The following RORA variants were observed in gnomAD, a reference collection of about 807,000 sequenced individuals.
RORA encodes the protein RAR related orphan receptor A.
In RORA, 7 loss-of-function variants were observed where a neutral mutation model predicts 69.5. The observed-to-expected ratio is 0.10, with a 90% CI of 0.06 to 0.19. The LOEUF is 0.19. Among genes scored for constraint, RORA ranks in the 10% least tolerant of loss-of-function variants. RORA has a pLI of 1.00. For synonymous variants in RORA, 261 were observed against 240.8 expected (o/e 1.08, Z -0.78); for missense variants, 457 against 663.0 (o/e 0.69, Z 3.41).
chr15:61,163,821 C>T (rs1181106907), intron 1 of RORA, among the ~76,000 whole-genome samples: 1 of 152,338 alleles, frequency 6.6e-6, no homozygotes, highest in African/African-American at 2.4e-5. Flanking sequence ...AAGGACCACA[C>T]TGAGCTCTTA....
chr15:60,893,929 G>C (rs1159149621), intron 1 of RORA, among the ~76,000 whole-genome samples: 1 of 152,172 alleles, frequency 6.6e-6, no homozygotes, highest in Non-Finnish European at 1.5e-5. Context: ...CCCAAACCCA[G>C]ACCTCTCAAG....
intron 1 of RORA, among the ~76,000 whole-genome samples, chr15:61,154,823 A>C (rs535671562): frequency 2.6e-4 from 39 of 152,154 alleles, no homozygotes; most frequent in Non-Finnish European, 4.4e-4. Flanking sequence ...AAAAATACAC[A>C]CTGACACCGT....
intron 1 of RORA, among the ~76,000 whole-genome samples, chr15:60,853,372 C>T (rs779326656): frequency 3.3e-5 from 5 of 152,126 alleles, no homozygotes; most frequent in African/African-American, 4.8e-5. Context: ...CAGCAGAAGA[C>T]GATAATAGAG....
At chr15:60,564,684 A>G (rs2067665537) in intron 2 of RORA, among the ~76,000 whole-genome samples, 1 of 152,216 alleles carries the variant, frequency 6.6e-6, no homozygotes, top group Non-Finnish European at 1.5e-5. Flanking sequence ...CATCCTTGAC[A>G]TGTTGAACTT....
At chr15:60,693,064 A>G (rs929902200) in intron 1 of RORA, among the ~76,000 whole-genome samples, 2 of 152,216 alleles carry the variant, frequency 1.3e-5, no homozygotes, top group African/African-American at 4.8e-5. Context: ...AAATACCAGC[A>G]AACTGAATCC....
At position 60,775,178 on chromosome 15, in the gene RORA, A is replaced by C. The variant is rs574306028; in HGVS notation, c.167-96492T>G. Among the ~76,000 whole-genome samples, 10 of 152,264 alleles carry C rather than the reference A, an allele frequency of 6.6e-5. No homozygotes were observed. In the South Asian group the frequency reaches 1.9e-3, roughly 28 times the overall value. On this transcript the variant is annotated intron_variant, in intron 1 of 10. Transcript: ENST00000335670. ...GAATTTGCCTTCAGCACTAGTAGTA[A>C]CGTGACTCTAAATGGATGGGTTTTC...
At chr15:61,009,813 T>C (rs534050114) in intron 1 of RORA, among the ~76,000 whole-genome samples, 18 of 152,334 alleles carry the variant, frequency 1.2e-4, no homozygotes, top group Non-Finnish European at 1.9e-4. Context: ...AATTTGCTAA[T>C]TGGTGTTCAT....
intron 1 of RORA, among the ~76,000 whole-genome samples, chr15:61,157,564 G>A (rs1226614098): frequency 2.0e-5 from 3 of 152,092 alleles, no homozygotes; most frequent in African/African-American, 7.2e-5. Context: ...TTACCCCATT[G>A]TTCTCCAGGA....
At chr15:60,988,466 G>T (rs1319445063) in intron 1 of RORA, among the ~76,000 whole-genome samples, 8 of 152,192 alleles carry the variant, frequency 5.3e-5, no homozygotes, top group Admixed American at 1.3e-4. Flanking sequence ...TGAGCATAAT[G>T]TTTGGGGATT....
At chr15:60,927,231 G>A (rs1179263516) in intron 1 of RORA, among the ~76,000 whole-genome samples, 6 of 152,206 alleles carry the variant, frequency 3.9e-5, no homozygotes, top group South Asian at 2.1e-4. Flanking sequence ...TAACCAATAC[G>A]TGAAGCAAAA....
intron 1 of RORA, among the ~76,000 whole-genome samples, chr15:60,695,495 C>G (rs971022693): frequency 6.6e-6 from 1 of 151,742 alleles, no homozygotes; most frequent in Non-Finnish European, 1.5e-5. Flanking sequence ...GATCCTGTTA[C>G]AGGATCTAAA....
At chr15:60,674,425 A>C (rs1196178994) in intron 2 of RORA, among the ~76,000 whole-genome samples, 1 of 152,244 alleles carries the variant, frequency 6.6e-6, no homozygotes. Context: ...TTGAGGCCTC[A>C]AAACTAATTT....
intron 1 of RORA, among the ~76,000 whole-genome samples, chr15:60,912,960 A>G (rs1891772740): frequency 6.6e-6 from 1 of 152,236 alleles, no homozygotes; most frequent in Admixed American, 6.5e-5. Context: ...GATTTTTAGT[A>G]AATGTATAGA....
At chr15:61,210,594 A>C (rs1186305975) in intron 1 of RORA, among the ~76,000 whole-genome samples, 2 of 152,214 alleles carry the variant, frequency 1.3e-5, no homozygotes, top group Non-Finnish European at 2.9e-5. Flanking sequence ...GCAAAAAGAG[A>C]AAGGACAGAA....
At chr15:60,653,002 A>G (rs2070166543) in intron 2 of RORA, among the ~76,000 whole-genome samples, 1 of 152,220 alleles carries the variant, frequency 6.6e-6, no homozygotes, top group African/African-American at 2.4e-5. Flanking sequence ...GTTTGCAACA[A>G]CAGAGTTCAC....
intron 1 of RORA, among the ~76,000 whole-genome samples, chr15:60,740,747 G>A (rs918966847): frequency 2.6e-5 from 4 of 152,156 alleles, no homozygotes; most frequent in Non-Finnish European, 2.9e-5. Context: ...TACATACGCA[G>A]GACCAAATGA....
intron 1 of RORA, among the ~76,000 whole-genome samples, chr15:60,794,161 C>A (rs1025642576): frequency 6.6e-6 from 1 of 152,148 alleles, no homozygotes; most frequent in Non-Finnish European, 1.5e-5. Context: ...CTTAAAATGC[C>A]ACATTCATAT....
intron 1 of RORA, chr15:61,194,147 G>A (rs1257542020): frequency 1.3e-5 from 2 of 152,226 alleles, no homozygotes; most frequent in African/African-American, 2.4e-5. Flanking sequence ...TAAACTGAAT[G>A]CCTTTCAGAG....
chr15:61,006,921 T>C (rs888369108), intron 1 of RORA, among the ~76,000 whole-genome samples: 8 of 152,312 alleles, frequency 5.3e-5, no homozygotes, highest in African/African-American at 1.7e-4. Context: ...TAGAATTATA[T>C]GGACATAGAT....
Sources: allele counts gnomAD v4.1 joint callset (sites outside exome capture counted in the v4.1 genomes callset), GRCh38; gene constraint gnomAD v4.1.1; transcripts MANE v1.5; gene names NCBI Gene and HGNC (gene_info 2026-07-23, HGNC 2026-07-21).